The following DMXL1 variants were observed in gnomAD, a reference collection of about 807,000 sequenced individuals.
DMXL1 encodes Dmx like 1.
A neutral mutation model predicts 319.2 loss-of-function variants in DMXL1; 99 were observed. The ratio of observed to expected loss-of-function variants is 0.31; its 90% CI spans 0.26 to 0.37. The LOEUF is 0.37. Among genes scored for constraint, DMXL1 ranks in the 10% least tolerant of loss-of-function variants. The pLI, the probability that DMXL1 is intolerant of heterozygous loss-of-function variation, is 1.00. For synonymous variants in DMXL1, 1,385 were observed against 1,235.2 expected (o/e 1.12, Z -2.54); for missense variants, 3,745 against 3,595.6 (o/e 1.04, Z -1.06).
chr5:119,247,088 C>G lies in DMXL1; in HGVS notation c.9016C>G (p.Gln3006Glu). The change falls in exon 44 of 44, where the codon CAA becomes GAA. Residue 3006 changes from glutamine (Q) to glutamate (E), a missense_variant. Around this residue, in one of 4 missense-constraint regions of DMXL1, gnomAD observed 262 missense variants for 320.5 expected, o/e 0.82. Transcript: ENST00000539542. Reference sequence around the variant, plus strand: ...TAGAAATATTGGAACTGGAGTGATGCAAATTGAGACAGGGCCTGCAAATCA... The same window carrying G: ...TAGAAATATTGGAACTGGAGTGATGGAAATTGAGACAGGGCCTGCAAATCA... Reference protein sequence around the residue: ...IFRNIGTGVMQIETGPANHIF... With the variant: ...IFRNIGTGVMEIETGPANHIF... The G allele has an allele frequency of 6.2e-7, 1 of 1,614,060 alleles. No homozygotes were observed. The highest frequency in any genetic ancestry group is 8.5e-7 in the Non-Finnish European group (1 of 1,179,964).
chr5:119,146,803 T>C (rs200075897), intron 15 of DMXL1, 34 bp from the exon 16 acceptor site: 138 of 1,596,650 alleles, frequency 8.6e-5, no homozygotes, highest in Middle Eastern at 1.7e-4. Context: ...CTTTTACACA[T>C]AGTAACAGTG....
chr5:119,099,199 T>TTTTG (rs10661600), intron 2 of DMXL1, among the ~76,000 whole-genome samples: 129,014 of 150,270 alleles, frequency 0.86, 55,536 homozygotes, highest in East Asian at 0.99. Context: ...TTTTGTTTGT[T>TTTTG]TTTGTTTGTT....
At position 119,142,147 on chromosome 5, in the gene DMXL1, A is replaced by T. The variant is rs570386569; in HGVS notation, c.2377-1694A>T. Among the ~76,000 whole-genome samples the T allele has an allele frequency of 4.6e-5, 7 of 152,148 alleles. No individual in the cohort carries two copies. The East Asian group carries it at 1.4e-3, about 29-fold the overall frequency. ...TAAAGACTTAAATGTAAAACCTAAA[A>T]CTCTAAAAACCCTGGAAGACAATCT... On this transcript the variant is annotated intron_variant, in intron 13 of 43. Coordinates refer to ENST00000539542, the MANE Select transcript of DMXL1 (RefSeq NM_001290321.3).
chr5:119,190,631 A>G (rs2150375355), intron 29 of DMXL1, among the ~76,000 whole-genome samples: 1 of 152,362 alleles, frequency 6.6e-6, no homozygotes, highest in African/African-American at 2.4e-5. Flanking sequence ...GATAGTACTG[A>G]GAGTGAAATT....
intron 13 of DMXL1, among the ~76,000 whole-genome samples, chr5:119,140,884 C>T (rs1767169490): frequency 6.6e-6 from 1 of 152,112 alleles, no homozygotes; most frequent in Non-Finnish European, 1.5e-5. Flanking sequence ...CCAAATCCAG[C>T]AGCACATTAA....
In DMXL1 at chr5:119,170,941, A is replaced by G; in HGVS notation, c.6150A>G (p.Ile2050Met). Residue 2050 changes from isoleucine (I) to methionine (M), a missense_variant, in exon 24 of 44, where the codon ATA (isoleucine) becomes ATG (methionine). Physicochemically the swap from Ile to Met is conservative, Grantham distance 10. Around this residue, in one of 4 missense-constraint regions of DMXL1, gnomAD observed 1,382 missense variants for 1,269.5 expected, o/e 1.09. Coordinates refer to ENST00000539542, the MANE Select transcript of DMXL1 (RefSeq NM_001290321.3). ...GTACTTTATCTACTGGCTATGAAAT[A>G]GATGGTGGAAAATTGCGTTACCAAC... ...ELRTLSTGYE[I>M]DGGKLRYQLY... is the part of the protein sequence containing the mutation. 6.2e-7 allele frequency: 1 copy of G among 1,613,760 alleles called. No individual in the cohort carries two copies. Among genetic ancestry groups the G allele is most frequent in the Non-Finnish European group, 8.5e-7 (1 of 1,179,894 alleles).
intron 14 of DMXL1, 76 bp downstream of exon 14, chr5:119,144,006 A>G: frequency 1.1e-6 from 1 of 907,856 alleles, no homozygotes; most frequent in East Asian, 2.6e-5. Flanking sequence ...CTATATATTA[A>G]TGTAATTTGA....
chr5:119,193,980 A>G lies in DMXL1; in HGVS notation c.7457+10A>G. The G allele has an allele frequency of 6.7e-7, 1 of 1,490,108 alleles. No individual in the cohort carries two copies. The highest frequency in any genetic ancestry group is 9.0e-7 in the Non-Finnish European group (1 of 1,115,066). The allele number at this position is 1,490,108 out of a possible 1,614,324, so 92.3% of individuals were successfully genotyped here. On this transcript the variant is annotated intron_variant, in intron 30 of 43. Coordinates refer to ENST00000539542, the MANE Select transcript of DMXL1 (RefSeq NM_001290321.3). ...ATTCAAATTCATATAGGTATGGTAT[A>G]TTTTATTTTAAATTTCTTTTTAAAA...
chr5:119,216,418 A>G (rs1240432018), intron 34 of DMXL1, among the ~76,000 whole-genome samples: 1 of 152,184 alleles, frequency 6.6e-6, no homozygotes, highest in Non-Finnish European at 1.5e-5. Flanking sequence ...CATCTGGCCA[A>G]ATCTCACCTG....
chr5:119,187,076 TAA>T (rs536796854), intron 28 of DMXL1, among the ~76,000 whole-genome samples: 5 of 146,996 alleles, frequency 3.4e-5, no homozygotes, highest in Admixed American at 2.0e-4. Context: ...AAGTATAATT[TAA>T]AAAAAAAAAA....
intron 42 of DMXL1, among the ~76,000 whole-genome samples, chr5:119,243,444 A>T (rs1036305085): frequency 6.6e-6 from 1 of 152,120 alleles, no homozygotes; most frequent in Admixed American, 6.5e-5. Flanking sequence ...AACCCAGGCA[A>T]TCTAACTCCA....
chr5:119,227,276 T>G (rs1785767140), intron 38 of DMXL1, among the ~76,000 whole-genome samples: 1 of 152,222 alleles, frequency 6.6e-6, no homozygotes, highest in South Asian at 2.1e-4. Context: ...CTAAAATGTT[T>G]AATGTGTTTT....
chr5:119,141,447 A>G (rs190953859), intron 13 of DMXL1, among the ~76,000 whole-genome samples: 2 of 152,302 alleles, frequency 1.3e-5, no homozygotes, highest in East Asian at 1.9e-4. Context: ...TAGCATTCCT[A>G]TACACCAACA....
chr5:119,120,855 T>TA (rs1432863030), intron 8 of DMXL1, 116 bp from the exon 9 acceptor site: 8 of 822,508 alleles, frequency 9.7e-6, no homozygotes, highest in Non-Finnish European at 1.4e-5. Context: ...TTTTTACATA[T>TA]AAAACATGTA....
At chr5:119,216,311 G>T (rs1398405584) in intron 34 of DMXL1, among the ~76,000 whole-genome samples, 1 of 152,050 alleles carries the variant, frequency 6.6e-6, no homozygotes, top group African/African-American at 2.4e-5. Context: ...ACTTAGAATG[G>T]TGGTTTATTT....
intron 38 of DMXL1, among the ~76,000 whole-genome samples, chr5:119,227,085 C>A (rs1785721019): frequency 6.6e-6 from 1 of 152,144 alleles, no homozygotes; most frequent in South Asian, 2.1e-4. Context: ...TTTAGGCTAT[C>A]TGTGGGACCC....
chr5:119,132,211 A>G (rs1055119452), intron 10 of DMXL1, among the ~76,000 whole-genome samples: 11 of 152,190 alleles, frequency 7.2e-5, no homozygotes, highest in Non-Finnish European at 2.9e-5. Flanking sequence ...AATATGTGAC[A>G]ATTGATCTGG....
chr5:119,212,547 T>C (rs1042269573), intron 34 of DMXL1, among the ~76,000 whole-genome samples: 1 of 152,158 alleles, frequency 6.6e-6, no homozygotes, highest in African/African-American at 2.4e-5. Flanking sequence ...TGCTTTCAGT[T>C]TTTTGGGGTA....
rs142901400 is a variant in DMXL1, at chr5:119,177,961, T to C, written c.6887-35T>C. 1.0e-5 allele frequency: 16 copies of C among 1,527,496 alleles called. No homozygotes were observed. In the African/African-American group the frequency reaches 2.1e-4, roughly 20 times the overall value. 94.6% of individuals were successfully genotyped at this position (1,527,496 alleles called of 1,614,324 possible). On this transcript the variant is annotated intron_variant, in intron 27 of 43. Transcript: ENST00000539542. ...TAATTTTTAAAATTTTAAAAATTTA[T>C]AGTCAGTGACAGCTATGTTTGTTTG...
Sources: allele counts gnomAD v4.1 joint callset (sites outside exome capture counted in the v4.1 genomes callset), GRCh38; gene constraint gnomAD v4.1.1; regional missense constraint gnomAD v4.1.1; transcripts MANE v1.5; gene names NCBI Gene and HGNC (gene_info 2026-07-23, HGNC 2026-07-21).